TSHZ2: variants seen among roughly 807,000 people sequenced by gnomAD.
TSHZ2 encodes teashirt homolog 2.
A neutral mutation model predicts 74.4 loss-of-function variants in TSHZ2; 21 were observed. That is an observed-to-expected ratio of 0.28 (90% CI 0.20 to 0.41). The LOEUF is 0.41. Among genes scored for constraint, TSHZ2 ranks in the 10% least tolerant of loss-of-function variants. The pLI, the probability that TSHZ2 is intolerant of heterozygous loss-of-function variation, is 1.00. For missense variants in TSHZ2, 1,244 were observed against 1,293.5 expected, an observed-to-expected ratio of 0.96 and a Z score of 0.59; for synonymous variants, 540 against 515.3, an observed-to-expected ratio of 1.05 and a Z score of -0.65.
At chr20:53,443,038 C>T (rs1022009269) in intron 2 of TSHZ2, among the ~76,000 whole-genome samples, 1 of 152,150 alleles carries the variant, frequency 6.6e-6, no homozygotes, top group Non-Finnish European at 1.5e-5. Flanking sequence ...TTAATGCCAT[C>T]CCAAGACACA....
In TSHZ2 at chr20:53,425,449, A is replaced by ATCCTTC. The variant is rs1168252020; in HGVS notation, c.*9-61691_*9-61686dup. On this transcript the variant is annotated intron_variant, in intron 2 of 2. Coordinates refer to ENST00000371497, the MANE Select transcript of TSHZ2 (RefSeq NM_173485.6). Reference sequence around the variant, plus strand: ...TGCTCATTTCCCTGCAAGGAAGCCCATCCTTCTCCAGTAAACTAAAAATTT... The same window carrying ATCCTTC: ...TGCTCATTTCCCTGCAAGGAAGCCCATCCTTCTCCTTCTCCAGTAAACTAAAAATTT... Among the ~76,000 whole-genome samples the ATCCTTC allele has an allele frequency of 3.3e-5, 5 of 152,360 alleles. No homozygotes were observed. In the East Asian group the frequency reaches 7.7e-4, roughly 23 times the overall value.
Position 53,358,329 on chromosome 20 carries a change from C to CT in TSHZ2, c.*8+101785dup, listed in dbSNP as rs57906027. On this transcript the variant is annotated intron_variant, in intron 2 of 2. Coordinates refer to ENST00000371497, the MANE Select transcript of TSHZ2 (RefSeq NM_173485.6). Reference sequence around the variant, plus strand: ...AAAAAAAAAAAAAGTTTCTGTGGTTCTTTTTTTTTTTTTTTTTTTTTTTTT... The same window carrying CT: ...AAAAAAAAAAAAAGTTTCTGTGGTTCTTTTTTTTTTTTTTTTTTTTTTTTTT... Among the ~76,000 whole-genome samples the CT allele has an allele frequency of 5.5e-3, 371 of 67,038 alleles. 7 individuals are homozygous for CT. The highest frequency in any genetic ancestry group is 0.01 in the African/African-American group (161 of 15,392). 44.0% of individuals were successfully genotyped at this position (67,038 alleles called of 152,430 possible). A position where few individuals can be genotyped will look rare whatever the true frequency, so the allele number is the denominator to read the frequency against.
At chr20:53,223,022 G>T (rs978410073) in intron 1 of TSHZ2, among the ~76,000 whole-genome samples, 1 of 152,034 alleles carries the variant, frequency 6.6e-6, no homozygotes, top group Non-Finnish European at 1.5e-5. Flanking sequence ...TTCTTCATTC[G>T]AACAAGCCAC....
chr20:53,008,162 A>T (rs1048972174), intron 1 of TSHZ2, among the ~76,000 whole-genome samples: 10 of 152,194 alleles, frequency 6.6e-5, no homozygotes, highest in African/African-American at 2.4e-4. Flanking sequence ...TTTCTTAATG[A>T]TATGAACAGT....
At chr20:53,312,038 G>T (rs956535900) in intron 2 of TSHZ2, among the ~76,000 whole-genome samples, 2 of 152,066 alleles carry the variant, frequency 1.3e-5, no homozygotes, top group Non-Finnish European at 2.9e-5. Flanking sequence ...CTATGATCCT[G>T]CCACTGCACT....
chr20:53,253,920 C>T lies in TSHZ2; in HGVS notation c.462C>T (p.Asn154=), dbSNP rs773847362. The T allele has an allele frequency of 1.2e-6, 2 of 1,614,190 alleles. No individual in the cohort carries two copies. Among genetic ancestry groups the T allele is most frequent in the South Asian group, 2.2e-5 (2 of 91,078 alleles). ...AGCTGTCCAATAGTGAGAGGAGGAA[C>T]TGTGACACCCGAAACGGCAGCAACA... ...GFKLSNSERR[N]CDTRNGSNKS... Residue 154 remains asparagine, a synonymous_variant, in exon 2 of 3, where the codon AAC becomes AAT. Transcript: ENST00000371497.
chr20:53,048,531 G>A (rs2123119273), intron 1 of TSHZ2, among the ~76,000 whole-genome samples: 1 of 152,234 alleles, frequency 6.6e-6, no homozygotes, highest in South Asian at 2.1e-4. Context: ...TCCTGATCAA[G>A]GGTGGAATGG....
rs574956744 is a variant in TSHZ2 at position 53,025,279 on chromosome 20, A to G, written c.40+51946A>G. Among the ~76,000 whole-genome samples, 7 of 152,270 alleles carry G rather than the reference A, an allele frequency of 4.6e-5. No homozygotes were observed. In the South Asian group the frequency reaches 1.4e-3, roughly 32 times the overall value. Reference sequence around the variant, plus strand: ...CATTTTATAGTAAGAGCAAACATTTAATATGGTTCATAATTTTTGAAGATC... The same window carrying G: ...CATTTTATAGTAAGAGCAAACATTTGATATGGTTCATAATTTTTGAAGATC... On this transcript the variant is annotated intron_variant, in intron 1 of 2. Transcript: ENST00000371497.
At chr20:53,300,247 A>T (rs1366676128) in intron 2 of TSHZ2, among the ~76,000 whole-genome samples, 1 of 152,206 alleles carries the variant, frequency 6.6e-6, no homozygotes, top group African/African-American at 2.4e-5. Context: ...ACTGCAGCAA[A>T]TGTCAAACCT....
At chr20:53,458,949 C>G (rs1488948333) in intron 2 of TSHZ2, among the ~76,000 whole-genome samples, 3 of 152,076 alleles carry the variant, frequency 2.0e-5, no homozygotes, top group Admixed American at 1.3e-4. Flanking sequence ...AATTTCTGTT[C>G]TTTTACATTT....
chr20:53,094,949 AT>A (rs1985995317), intron 1 of TSHZ2, among the ~76,000 whole-genome samples: 1 of 152,110 alleles, frequency 6.6e-6, no homozygotes, highest in South Asian at 2.1e-4. Context: ...ATGCCTTCTT[AT>A]TTTTGTTTTT....
At chr20:53,367,441 T>TA (rs1305231835) in intron 2 of TSHZ2, among the ~76,000 whole-genome samples, 1 of 152,060 alleles carries the variant, frequency 6.6e-6, no homozygotes. Context: ...TTAAATTTTT[T>TA]AAAAAACAAC....
chr20:53,352,386 A>T (rs1270744651), intron 2 of TSHZ2, among the ~76,000 whole-genome samples: 1 of 152,110 alleles, frequency 6.6e-6, no homozygotes, highest in African/African-American at 2.4e-5. Flanking sequence ...ATGAGGAAAT[A>T]GTCTTATAAA....
At chr20:53,235,905 G>T (rs1489576077) in intron 1 of TSHZ2, among the ~76,000 whole-genome samples, 3 of 152,182 alleles carry the variant, frequency 2.0e-5, no homozygotes, top group Non-Finnish European at 4.4e-5. Flanking sequence ...AAGCAGATTA[G>T]TTCACTCCTG....
chr20:53,006,029 G>A (rs1467852243), intron 1 of TSHZ2, among the ~76,000 whole-genome samples: 6 of 152,104 alleles, frequency 3.9e-5, no homozygotes, highest in South Asian at 2.1e-4. Flanking sequence ...ACACACACAC[G>A]TACATGTGTG....
intron 1 of TSHZ2, among the ~76,000 whole-genome samples, chr20:52,995,210 T>C (rs1423974315): frequency 6.6e-6 from 1 of 152,204 alleles, no homozygotes; most frequent in Non-Finnish European, 1.5e-5. Context: ...ACCCAAGGAA[T>C]GGAGTTGGGG....
rs1455556753 is a variant in TSHZ2 at position 53,487,139 on chromosome 20, T to C, written c.*9-5T>C. 2.0e-5 allele frequency: 3 copies of C among 153,068 alleles called. No individual in the cohort carries two copies. The highest frequency in any genetic ancestry group is 4.4e-5 in the Non-Finnish European group (3 of 68,124). 9.5% of individuals were successfully genotyped at this position (153,068 alleles called of 1,614,324 possible). On this transcript the variant is annotated splice_polypyrimidine_tract_variant and splice_region_variant and intron_variant, in intron 2 of 2. Coordinates refer to ENST00000371497, the MANE Select transcript of TSHZ2 (RefSeq NM_173485.6). ...ATCTTTCTGTTGTTCTGATTCCCATTACAGGACGAATGCCTTAGTTTCCAC... is the reference window on the plus strand; with the variant it reads ...ATCTTTCTGTTGTTCTGATTCCCATCACAGGACGAATGCCTTAGTTTCCAC...
intron 1 of TSHZ2, among the ~76,000 whole-genome samples, chr20:52,981,200 TGGG>T (rs958052328): frequency 6.6e-6 from 1 of 152,182 alleles, no homozygotes; most frequent in African/African-American, 2.4e-5. Context: ...GCAAGTGACT[TGGG>T]TTCTGGTTGC....
intron 2 of TSHZ2, among the ~76,000 whole-genome samples, chr20:53,323,218 C>T (rs1032498417): frequency 6.6e-6 from 1 of 152,186 alleles, no homozygotes; most frequent in African/African-American, 2.4e-5. Context: ...GCTGAGGCAC[C>T]TATCTGAGCT....
Sources: gnomAD v4.1 joint callset for allele counts (sites outside exome capture counted in the v4.1 genomes callset) on GRCh38, gnomAD v4.1.1 for gene constraint, MANE v1.5 for transcripts, NCBI Gene and HGNC (gene_info 2026-07-23, HGNC 2026-07-21) for gene names.